ARHGAP20: variants seen among roughly 807,000 people sequenced by gnomAD.
The protein encoded by ARHGAP20 is Rho GTPase activating protein 20, also known as rho GTPase-activating protein 20.
Under a neutral mutation model 73.7 loss-of-function variants are expected in ARHGAP20, and 34 were observed. That is an observed-to-expected ratio of 0.46 (90% CI 0.35 to 0.61). The LOEUF is 0.61. Ranked by LOEUF, ARHGAP20 falls within the 20% of genes least tolerant of loss-of-function variation. ARHGAP20 has a pLI of 0.00. For missense variants in ARHGAP20, 1,314 were observed against 1,420.9 expected, an observed-to-expected ratio of 0.92 and a Z score of 1.21; for synonymous variants, 523 against 518.2, an observed-to-expected ratio of 1.01 and a Z score of -0.13.
chr11:110,651,521 C>G (rs1168346404), intron 2 of ARHGAP20, among the ~76,000 whole-genome samples: 1 of 150,978 alleles, frequency 6.6e-6, no homozygotes, highest in African/African-American at 2.4e-5. Context: ...TGAATAGATG[C>G]AATAAAAAAT....
At chr11:110,591,841 G>T in intron 10 of ARHGAP20, 136 bp downstream of exon 10, 1 of 884,268 alleles carries the variant, frequency 1.1e-6, no homozygotes, top group Non-Finnish European at 1.7e-6. Context: ...TTGTTATTTG[G>T]AGGAATAATA....
intron 4 of ARHGAP20, among the ~76,000 whole-genome samples, chr11:110,616,038 C>T (rs1369723329): frequency 1.3e-5 from 2 of 151,930 alleles, no homozygotes; most frequent in African/African-American, 2.4e-5. Flanking sequence ...GTAGCTCACA[C>T]GGCCATACAA....
chr11:110,702,890 C>T (rs1457806154), intron 1 of ARHGAP20, among the ~76,000 whole-genome samples: 1 of 152,072 alleles, frequency 6.6e-6, no homozygotes, highest in Admixed American at 6.5e-5. Flanking sequence ...AAAGAGGACA[C>T]AAACAAATGG....
intron 2 of ARHGAP20, among the ~76,000 whole-genome samples, chr11:110,634,552 T>C (rs907140783): frequency 1.1e-4 from 16 of 152,170 alleles, no homozygotes; most frequent in African/African-American, 3.6e-4. Flanking sequence ...GCCATGGTGA[T>C]TGAGTTCAGT....
intron 2 of ARHGAP20, among the ~76,000 whole-genome samples, chr11:110,668,501 T>C (rs1473563843): frequency 6.6e-6 from 1 of 151,680 alleles, no homozygotes; most frequent in African/African-American, 2.4e-5. Flanking sequence ...AAGAAAAAAT[T>C]AGCTTGGCAT....
intron 5 of ARHGAP20, 117 bp from the exon 6 acceptor site, chr11:110,614,762 TA>T: frequency 3.0e-6 from 2 of 671,328 alleles, no homozygotes; most frequent in Non-Finnish European, 4.8e-6. Context: ...ATGCTATTTT[TA>T]AAAAAGATAG....
At chr11:110,668,920 C>T (rs1006018019) in intron 2 of ARHGAP20, among the ~76,000 whole-genome samples, 1 of 151,814 alleles carries the variant, frequency 6.6e-6, no homozygotes, top group African/African-American at 2.4e-5. Context: ...AATAGCCATG[C>T]ACAATAAAAA....
intron 1 of ARHGAP20, chr11:110,691,186 C>A (rs1950235533): frequency 4.1e-6 from 2 of 486,324 alleles, no homozygotes; most frequent in South Asian, 9.0e-5. Flanking sequence ...ATAAAAAAAT[C>A]TTTTTTTCTA....
chr11:110,667,826 A>T (rs186454566), intron 2 of ARHGAP20, among the ~76,000 whole-genome samples: 1 of 152,214 alleles, frequency 6.6e-6, no homozygotes, highest in African/African-American at 2.4e-5. Flanking sequence ...CAGTGGGGGA[A>T]GTCACTGCAA....
At chr11:110,699,923 T>C (rs1424133067) in intron 1 of ARHGAP20, among the ~76,000 whole-genome samples, 1 of 152,054 alleles carries the variant, frequency 6.6e-6, no homozygotes, top group African/African-American at 2.4e-5. Context: ...TGTGCCTATG[T>C]AGAAAAATGA....
At chr11:110,638,412 C>G (rs912088983) in intron 2 of ARHGAP20, among the ~76,000 whole-genome samples, 5 of 151,952 alleles carry the variant, frequency 3.3e-5, no homozygotes, top group African/African-American at 1.2e-4. Flanking sequence ...GATACTCAAC[C>G]TGTACACTGA....
At chr11:110,602,414 T>C (rs1268983295) in intron 9 of ARHGAP20, among the ~76,000 whole-genome samples, 4 of 152,192 alleles carry the variant, frequency 2.6e-5, no homozygotes, top group Non-Finnish European at 5.9e-5. Context: ...AACAGACCAA[T>C]GGTTAATCAC....
intron 1 of ARHGAP20, among the ~76,000 whole-genome samples, chr11:110,704,893 A>T (rs1950525942): frequency 6.6e-6 from 1 of 152,176 alleles, no homozygotes; most frequent in African/African-American, 2.4e-5. Context: ...TGAAGACATG[A>T]GGGGTATGAG....
chr11:110,680,777 C>T (rs919033109), intron 2 of ARHGAP20, among the ~76,000 whole-genome samples: 1 of 152,086 alleles, frequency 6.6e-6, no homozygotes, highest in African/African-American at 2.4e-5. Flanking sequence ...TAGCACACTG[C>T]ACCACAAACA....
At chr11:110,637,691 CA>C (rs150889278) in intron 2 of ARHGAP20, among the ~76,000 whole-genome samples, 1 of 152,092 alleles carries the variant, frequency 6.6e-6, no homozygotes, top group East Asian at 1.9e-4. Context: ...GCAAGTCAGA[CA>C]AGTAACATGA....
intron 8 of ARHGAP20, among the ~76,000 whole-genome samples, chr11:110,608,400 T>G (rs548388964): frequency 5.9e-5 from 9 of 152,174 alleles, no homozygotes; most frequent in Non-Finnish European, 1.2e-4. Context: ...TAATTCCTCA[T>G]GACAAATGCT....
chr11:110,615,488 G>A lies in ARHGAP20; in HGVS notation c.545+65C>T. On this transcript the variant is annotated intron_variant, in intron 5 of 14. Coordinates refer to ENST00000683387, the MANE Select transcript of ARHGAP20 (RefSeq NM_001384657.1). The stretch of plus-strand genomic sequence containing the variant: ...GGGGAATAATTTGGGGCACATCTCT[G>A]CAGAAAAGGTCTTAATTCATTTATT... 4 of 1,464,972 alleles carry A rather than the reference G, an allele frequency of 2.7e-6. No homozygotes were observed. The South Asian group carries it at 5.0e-5, about 18-fold the overall frequency. 90.7% of individuals were successfully genotyped at this position (1,464,972 alleles called of 1,614,324 possible).
At chr11:110,648,105 C>T (rs545150707) in intron 2 of ARHGAP20, among the ~76,000 whole-genome samples, 3 of 147,494 alleles carry the variant, frequency 2.0e-5, no homozygotes, top group East Asian at 2.0e-4. Context: ...CCTTTGGGAC[C>T]GCACGATCTT....
chr11:110,677,934 G>A (rs563673463), intron 2 of ARHGAP20, among the ~76,000 whole-genome samples: 4 of 152,114 alleles, frequency 2.6e-5, no homozygotes, highest in Non-Finnish European at 5.9e-5. Context: ...GAATGTTCAC[G>A]GCATTATTCA....
Sources: gnomAD v4.1 joint callset for allele counts (sites outside exome capture counted in the v4.1 genomes callset) on GRCh38, gnomAD v4.1.1 for gene constraint, MANE v1.5 for transcripts, NCBI Gene and HGNC (gene_info 2026-07-23, HGNC 2026-07-21) for gene names.